CLYBL: variants seen among roughly 807,000 people sequenced by gnomAD.
The protein encoded by CLYBL is citramalyl-CoA lyase, mitochondrial.
Under a neutral mutation model 38.9 loss-of-function variants are expected in CLYBL, and 31 were observed. The observed-to-expected ratio is 0.80, with a 90% confidence interval of 0.60 to 1.08. The LOEUF is 1.08. CLYBL is among the 50% of genes least tolerant of loss of function. The pLI is 0.00. For synonymous variants in CLYBL, 171 were observed against 158.6 expected (o/e 1.08, Z -0.59); for missense variants, 434 against 411.6 (o/e 1.05, Z -0.47).
At chr13:99,684,544 C>T (rs2047790162) in intron 1 of CLYBL, among the ~76,000 whole-genome samples, 1 of 152,188 alleles carries the variant, frequency 6.6e-6, no homozygotes, top group Non-Finnish European at 1.5e-5. Context: ...AAGGCAGGTT[C>T]TACTAAGACA....
downstream of CLYBL, chr13:99,895,907 T>C (rs1566371479): frequency 1.3e-5 from 2 of 152,110 alleles, no homozygotes; most frequent in African/African-American, 4.8e-5. Flanking sequence ...TCCTTTTAAA[T>C]GATTTTTATT....
At chr13:99,653,379 A>G (rs1055617406) in intron 1 of CLYBL, among the ~76,000 whole-genome samples, 36 of 152,252 alleles carry the variant, frequency 2.4e-4, no homozygotes, top group African/African-American at 8.4e-4. Context: ...CCGGCCAAAA[A>G]AAAAAAAGTC....
At chr13:99,908,297 G>T (rs932463605) in exon 10 of CLYBL, among the ~76,000 whole-genome samples, 3 of 152,208 alleles carry the variant, frequency 2.0e-5, no homozygotes, top group Non-Finnish European at 4.4e-5. Context: ...GACCTGGTGT[G>T]AAGGGAGGTT....
chr13:99,793,806 T>TA (rs747109434), intron 2 of CLYBL, among the ~76,000 whole-genome samples: 1 of 151,768 alleles, frequency 6.6e-6, no homozygotes. Flanking sequence ...GAGTATGATC[T>TA]ATAATGTGAT....
intron 1 of CLYBL, among the ~76,000 whole-genome samples, chr13:99,650,039 G>A (rs1441125942): frequency 2.0e-5 from 3 of 152,070 alleles, no homozygotes; most frequent in Admixed American, 6.5e-5. Context: ...CGAGGCGGGC[G>A]GATCACGAGG....
At chr13:99,651,629 T>C (rs1014220026) in intron 1 of CLYBL, among the ~76,000 whole-genome samples, 1 of 150,562 alleles carries the variant, frequency 6.6e-6, no homozygotes, top group African/African-American at 2.4e-5. Flanking sequence ...TGGCTTTCCA[T>C]CAGTTAAGAT....
chr13:99,699,112 G>T (rs1221794020), intron 1 of CLYBL, among the ~76,000 whole-genome samples: 1 of 152,106 alleles, frequency 6.6e-6, no homozygotes, highest in African/African-American at 2.4e-5. Flanking sequence ...TGGGACTGGC[G>T]CAGTGGCTCA....
intron 7 of CLYBL, among the ~76,000 whole-genome samples, chr13:99,878,991 C>T (rs1452021382): frequency 6.6e-6 from 1 of 152,168 alleles, no homozygotes; most frequent in Admixed American, 6.5e-5. Context: ...TCCGTGGAGA[C>T]CCAGACCTGG....
chr13:99,777,175 C>A (rs918291999), intron 2 of CLYBL, among the ~76,000 whole-genome samples: 5 of 151,696 alleles, frequency 3.3e-5, no homozygotes, highest in Non-Finnish European at 7.4e-5. Context: ...ACCCAGCCCC[C>A]ACGCCCAACC....
chr13:99,835,933 G>A (rs1320426083), intron 2 of CLYBL, among the ~76,000 whole-genome samples: 1 of 152,210 alleles, frequency 6.6e-6, no homozygotes, highest in Non-Finnish European at 1.5e-5. Flanking sequence ...CCGCCCAGGG[G>A]CCAGGACTTG....
At chr13:99,896,193 G>C (rs1462652109), downstream of CLYBL, 1 of 151,564 alleles carries the variant, frequency 6.6e-6, no homozygotes, top group Non-Finnish European at 1.5e-5. Flanking sequence ...CGGAGCCCGC[G>C]CGCCTGTCGC....
chr13:99,670,481 T>C (rs1217112773), intron 1 of CLYBL, among the ~76,000 whole-genome samples: 1 of 152,190 alleles, frequency 6.6e-6, no homozygotes, highest in African/African-American at 2.4e-5. Context: ...GAAACAAAAC[T>C]TACCTGCAGT....
At chr13:99,694,444 C>T (rs541355540) in intron 1 of CLYBL, among the ~76,000 whole-genome samples, 90 of 152,328 alleles carry the variant, frequency 5.9e-4, no homozygotes, top group African/African-American at 2.0e-3. Flanking sequence ...TTCCACGTTT[C>T]AGCCTCGAAG....
chr13:99,874,106 A>AGACT (rs764195354), intron 7 of CLYBL, among the ~76,000 whole-genome samples: 21 of 152,190 alleles, frequency 1.4e-4, no homozygotes, highest in Non-Finnish European at 2.6e-4. Flanking sequence ...TTAGGGCTAG[A>AGACT]GACTGACACT....
chr13:99,888,605 T>C (rs1232316853), intron 7 of CLYBL, among the ~76,000 whole-genome samples: 1 of 151,854 alleles, frequency 6.6e-6, no homozygotes, highest in Non-Finnish European at 1.5e-5. Flanking sequence ...CAAAAAAAAT[T>C]AGCCAAACGT....
chr13:99,769,340 C>A (rs1435156315), intron 1 of CLYBL, among the ~76,000 whole-genome samples: 8 of 152,174 alleles, frequency 5.3e-5, no homozygotes, highest in Non-Finnish European at 8.8e-5. Flanking sequence ...AAAATAGTTA[C>A]AGCAGGAAGA....
intron 1 of CLYBL, among the ~76,000 whole-genome samples, chr13:99,716,868 C>T (rs1179484931): frequency 2.8e-5 from 4 of 145,178 alleles, no homozygotes; most frequent in South Asian, 2.2e-4. Context: ...CTTGGCTCAC[C>T]GCAACCTCTG....
At chr13:99,752,539 T>C (rs4772238) in intron 1 of CLYBL, among the ~76,000 whole-genome samples, 115,373 of 151,878 alleles carry the variant, frequency 0.76, 44,003 homozygotes, top group East Asian at 0.89. Flanking sequence ...CAAACTAAGC[T>C]CCTAAGAACA....
chr13:99,765,370 T>C (rs566385185), intron 1 of CLYBL, among the ~76,000 whole-genome samples: 50 of 152,310 alleles, frequency 3.3e-4, no homozygotes, highest in African/African-American at 1.1e-3. Flanking sequence ...GAGAGTCTGA[T>C]TATTATATGT....
Sources: gnomAD v4.1 joint callset for allele counts (sites outside exome capture counted in the v4.1 genomes callset) on GRCh38, gnomAD v4.1.1 for gene constraint, MANE v1.5 for transcripts, NCBI Gene and HGNC (gene_info 2026-07-23, HGNC 2026-07-21) for gene names.